The following PRL variants were observed in gnomAD, a reference collection of about 807,000 sequenced individuals.
PRL encodes the protein decidual prolactin.
A neutral mutation model predicts 21.3 loss-of-function variants in PRL; 24 were observed. The ratio of observed to expected loss-of-function variants is 1.13; its 90% CI spans 0.82 to 1.59. PRL has a LOEUF of 1.59. Among genes scored for constraint, PRL ranks in the 40% most tolerant of loss-of-function variants. The pLI is 0.00. For missense variants in PRL, 243 were observed against 286.9 expected (o/e 0.85, Z 1.10); for synonymous variants, 118 against 115.7 (o/e 1.02, Z -0.13).
At chr6:22,292,464 C>T (rs1427663964) in intron 3 of PRL, 74 bp downstream of exon 3, 3 of 1,357,846 alleles carry the variant, frequency 2.2e-6, no homozygotes, top group East Asian at 2.3e-5. Flanking sequence ...CTAGCTATTA[C>T]AGCACCTATC....
At chr6:22,296,843 G>A (rs189652801) in intron 1 of PRL, 112 bp downstream of exon 1, 1 of 1,158,530 alleles carries the variant, frequency 8.6e-7, no homozygotes, top group African/African-American at 1.5e-5. Context: ...ACATAAGATT[G>A]TGCTTCTAAA....
At chr6:22,294,651 T>C in intron 1 of PRL, 67 bp from the exon 2 acceptor site, 1 of 1,458,970 alleles carries the variant, frequency 6.9e-7, no homozygotes, top group East Asian at 2.5e-5. Flanking sequence ...GAAGTAATCC[T>C]GCCGAGGAAA....
chr6:22,293,900 C>T (rs1761117561), intron 2 of PRL, among the ~76,000 whole-genome samples: 1 of 152,208 alleles, frequency 6.6e-6, no homozygotes, highest in Non-Finnish European at 1.5e-5. Context: ...ATACTGAAAT[C>T]TCAGAGAAAT....
upstream of PRL, chr6:22,297,171 A>G (rs1162781183): frequency 1.7e-6 from 1 of 605,626 alleles, no homozygotes; most frequent in Admixed American, 3.3e-5. Context: ...CAAACATCAA[A>G]TGGTATTTTA....
At position 22,292,621 on chromosome 6, in the gene PRL, C is replaced by G. The variant is rs751392137; in HGVS notation, c.229G>C (p.Gly77Arg). The G allele has an allele frequency of 6.2e-7, 1 of 1,613,936 alleles. No homozygotes were observed. The highest frequency in any genetic ancestry group is 1.1e-5 in the South Asian group (1 of 91,042). ...EFDKRYTHGR[G>R]FITKAINSCH... ...CTGTTGATGGCCTTGGTAATGAACC[C>G]CCGGCCATGGGTATACCGTTTATCC... The change falls in exon 3 of 5, where the codon GGG becomes CGG. Residue 77 changes from glycine to arginine, a missense_variant. Gly to Arg is a moderately radical substitution (Grantham distance 125, BLOSUM62 -2). Transcript: ENST00000306482.
intron 1 of PRL, among the ~76,000 whole-genome samples, chr6:22,296,003 T>C (rs1213037057): frequency 2.6e-5 from 4 of 152,234 alleles, no homozygotes; most frequent in Non-Finnish European, 5.9e-5. Flanking sequence ...TTCAAAAACA[T>C]GATTCTTCCA....
chr6:22,289,792 C>T (rs904213941), intron 4 of PRL, among the ~76,000 whole-genome samples: 5 of 152,140 alleles, frequency 3.3e-5, no homozygotes, highest in Admixed American at 6.6e-5. Context: ...CCACTCTCAT[C>T]CTCTGGCGAG....
At chr6:22,293,434 G>A (rs1242182263) in intron 2 of PRL, among the ~76,000 whole-genome samples, 1 of 152,078 alleles carries the variant, frequency 6.6e-6, no homozygotes, top group Admixed American at 6.6e-5. Context: ...TTTTATAAAT[G>A]TATGTTTATT....
chr6:22,293,625 GGGAA>G (rs1176296800), intron 2 of PRL, among the ~76,000 whole-genome samples: 980 of 27,250 alleles, frequency 0.036, 18 homozygotes, highest in South Asian at 0.046. Context: ...GAGGGAAGGA[GGGAA>G]GGAAGGAAGG....
chr6:22,294,593 A>T lies in PRL; in HGVS notation c.29-9T>A. ...CAGCAGCAGGAGGGACCCTGCTTAA[A>T]TAAGAACGCGAGCCACTCTGAGATG... On this transcript the variant is annotated splice_polypyrimidine_tract_variant and intron_variant, in intron 1 of 4. Coordinates refer to ENST00000306482, the MANE Select transcript of PRL (RefSeq NM_000948.6). 1 of 1,542,878 alleles carries T rather than the reference A, an allele frequency of 6.5e-7. No individual in the cohort carries two copies. The highest frequency in any genetic ancestry group is 8.7e-7 in the Non-Finnish European group (1 of 1,146,772).
At chr6:22,294,304 T>G (rs900434600) in intron 2 of PRL, 105 bp downstream of exon 2, 2 of 1,298,218 alleles carry the variant, frequency 1.5e-6, no homozygotes, top group African/African-American at 1.5e-5. Flanking sequence ...TTAAAATGTA[T>G]CGTTTGAAAT....
upstream of PRL, chr6:22,297,247 A>ATTAG: frequency 2.0e-6 from 1 of 503,718 alleles, no homozygotes; most frequent in Non-Finnish European, 3.5e-6. Context: ...ATTTTGATTA[A>ATTAG]TTAGGCCAAA....
In PRL at chr6:22,290,350, T is replaced by TTTGATTCATCTGTTGGGC. The variant is rs1310813987; in HGVS notation, c.315_316insGCCCAACAGATGAATCAA (p.Ala100_Gln105dup). ...CTGACTATCAGGCTCAGAAAGTCTT[T>TTTGATTCATCTGTTGGGC]TTGCTACGAAACCATATAGAACAAT... On this transcript the variant is annotated inframe_insertion, in exon 4 of 5. Transcript: ENST00000306482. The TTTGATTCATCTGTTGGGC allele has an allele frequency of 6.3e-7, 1 of 1,584,662 alleles. No individual in the cohort carries two copies. Among genetic ancestry groups the TTTGATTCATCTGTTGGGC allele is most frequent in the Non-Finnish European group, 8.6e-7 (1 of 1,159,282 alleles).
At chr6:22,299,939 TC>T (rs1244019920), upstream of PRL, among the ~76,000 whole-genome samples, 1 of 152,136 alleles carries the variant, frequency 6.6e-6, no homozygotes, top group Non-Finnish European at 1.5e-5. Context: ...GTTAAAAAAA[TC>T]CTCAGAATGA....
intron 2 of PRL, among the ~76,000 whole-genome samples, chr6:22,293,619 GAA>G (rs1367975500): frequency 0.019 from 1,138 of 58,638 alleles, 32 homozygotes; most frequent in African/African-American, 0.068. Context: ...AGGGAGGAGG[GAA>G]GGAGGGAAGG....
rs748127458 is a variant in PRL at position 22,290,232 on chromosome 6, A to G, written c.434T>C (p.Val145Ala). 6.2e-6 allele frequency: 10 copies of G among 1,611,702 alleles called. No homozygotes were observed. Among genetic ancestry groups the G allele is most frequent in the South Asian group, 1.1e-5 (1 of 90,786 alleles). Residue 145 changes from valine (V) to alanine (A), a missense_variant, in exon 4 of 5, where the codon GTA (valine) becomes GCA (alanine). Physicochemically the swap from Val to Ala is moderately conservative, Grantham distance 64 (BLOSUM62 0). Coordinates refer to ENST00000306482, the MANE Select transcript of PRL (RefSeq NM_000948.6). ...EAPEAILSKA[V>A]EIEEQTKRLL... ...CCGTTTGGTTTGCTCCTCAATCTCT[A>G]CAGCTTTGGATAGGATAGCCTCCGG...
chr6:22,301,915 A>G (rs1761287968), upstream of PRL, among the ~76,000 whole-genome samples: 1 of 152,206 alleles, frequency 6.6e-6, no homozygotes, highest in African/African-American at 2.4e-5. Flanking sequence ...ACAGTAATTC[A>G]AACAAGTATA....
At chr6:22,293,316 C>T (rs1761092800) in intron 2 of PRL, among the ~76,000 whole-genome samples, 1 of 152,080 alleles carries the variant, frequency 6.6e-6, no homozygotes, top group Non-Finnish European at 1.5e-5. Context: ...AAAGACTAGT[C>T]TTCAGCAAAA....
upstream of PRL, among the ~76,000 whole-genome samples, chr6:22,300,626 C>A (rs1761266586): frequency 6.6e-6 from 1 of 152,104 alleles, no homozygotes; most frequent in South Asian, 2.1e-4. Flanking sequence ...TTTCTTTTAA[C>A]AATAATAAGA....
Sources: allele counts gnomAD v4.1 joint callset (sites outside exome capture counted in the v4.1 genomes callset), GRCh38; gene constraint gnomAD v4.1.1; transcripts MANE v1.5; gene names NCBI Gene and HGNC (gene_info 2026-07-23, HGNC 2026-07-21).